PLAAT5: variants seen among roughly 807,000 people sequenced by gnomAD.
The protein encoded by PLAAT5 is phospholipase A and acyltransferase 5, also known as Ca(2+)-independent N-acyltransferase.
In PLAAT5, 27 loss-of-function variants were observed where a neutral mutation model predicts 27.8. That is an observed-to-expected ratio of 0.97 (90% CI 0.72 to 1.34). The LOEUF is 1.34. Ranked by LOEUF, PLAAT5 falls within the 40% of genes most tolerant of loss-of-function variation. PLAAT5 has a pLI of 0.00. For missense variants in PLAAT5, 368 were observed against 343.8 expected, an observed-to-expected ratio of 1.07 and a Z score of -0.56; for synonymous variants, 125 against 136.1, an observed-to-expected ratio of 0.92 and a Z score of 0.57.
At chr11:63,489,447 A>T (rs967110427) in intron 2 of PLAAT5, among the ~76,000 whole-genome samples, 1 of 152,254 alleles carries the variant, frequency 6.6e-6, no homozygotes, top group African/African-American at 2.4e-5. Flanking sequence ...ATATGAATGA[A>T]ATCAGTATAT....
intron 3 of PLAAT5, among the ~76,000 whole-genome samples, chr11:63,488,526 A>G (rs538210562): frequency 1.3e-5 from 2 of 152,298 alleles, no homozygotes; most frequent in East Asian, 3.9e-4. Context: ...AAGCATAACC[A>G]ACATCCCAAA....
chr11:63,467,919 G>A (rs1024151794), intron 4 of PLAAT5, among the ~76,000 whole-genome samples: 1 of 152,252 alleles, frequency 6.6e-6, no homozygotes, highest in Non-Finnish European at 1.5e-5. Context: ...GAGACAAGGT[G>A]AGGACGAAGG....
chr11:63,469,197 T>C (rs149778983), intron 3 of PLAAT5, among the ~76,000 whole-genome samples: 1 of 151,020 alleles, frequency 6.6e-6, no homozygotes, highest in African/African-American at 2.4e-5. Flanking sequence ...CATGAATAGG[T>C]AGGCATAGAG....
Position 63,490,268 on chromosome 11 carries a change from C to G in PLAAT5, c.214G>C (p.Glu72Gln). The G allele has an allele frequency of 6.2e-7, 1 of 1,614,240 alleles. No homozygotes were observed. Among genetic ancestry groups the G allele is most frequent in the East Asian group, 2.2e-5 (1 of 44,890 alleles). ...PAKQPPPGTL[E>Q]QGRSIQQGEK... is the part of the protein sequence containing the mutation. ...CCTTGCTGGATGCTTCTGCCCTGTT[C>G]TAATGTGCCCGGCGGAGGCTGCTTG... The change falls in exon 2 of 6, where the codon GAA (glutamate) becomes CAA (glutamine). Residue 72 changes from glutamate to glutamine, a missense_variant. Glu to Gln is a conservative substitution (Grantham distance 29). Transcript: ENST00000540857.
rs1402287266 is a variant in PLAAT5, at chr11:63,483,801, G to GTGTATATA, written c.345+5069_345+5070insTATATACA. ...AAAAAAAAAATATATATATATATATGTATATATATATATATATATATATAT... is the reference window on the plus strand; with the variant it reads ...AAAAAAAAAATATATATATATATATGTGTATATATATATATATATATATATATATATAT... On this transcript the variant is annotated intron_variant, in intron 3 of 5. Coordinates refer to ENST00000540857, the MANE Select transcript of PLAAT5 (RefSeq NM_001146729.2). Among the ~76,000 whole-genome samples, 78 of 24,154 alleles carry GTGTATATA rather than the reference G, an allele frequency of 3.2e-3. 2 individuals are homozygous for GTGTATATA. Among genetic ancestry groups the GTGTATATA allele is most frequent in the Non-Finnish European group, 5.0e-3 (60 of 12,004 alleles). The allele number at this position is 24,154 out of a possible 152,430, so 15.8% of individuals were successfully genotyped here.
intron 3 of PLAAT5, among the ~76,000 whole-genome samples, chr11:63,477,911 T>C (rs2016191177): frequency 6.6e-6 from 1 of 152,224 alleles, no homozygotes; most frequent in South Asian, 2.1e-4. Flanking sequence ...TTCCAGATTT[T>C]TATGAGTCTC....
chr11:63,466,048 T>C, intron 5 of PLAAT5, 62 bp downstream of exon 5: 1 of 1,536,302 alleles, frequency 6.5e-7, no homozygotes, highest in Non-Finnish European at 8.9e-7. Flanking sequence ...TGATCACTAA[T>C]GAAATGACAA....
chr11:63,483,324 T>G (rs1314511500), intron 3 of PLAAT5, among the ~76,000 whole-genome samples: 1 of 152,074 alleles, frequency 6.6e-6, no homozygotes, highest in East Asian at 1.9e-4. Flanking sequence ...CATCAGCACA[T>G]GGAACATTCG....
At chr11:63,490,767 G>A (rs1472471921) in intron 1 of PLAAT5, 120 bp downstream of exon 1, 3 of 964,058 alleles carry the variant, frequency 3.1e-6, no homozygotes, top group African/African-American at 1.7e-5. Context: ...ACTCGCTCAT[G>A]ATGGCTAACA....
At chr11:63,488,008 G>A (rs1192945365) in intron 3 of PLAAT5, among the ~76,000 whole-genome samples, 1 of 152,230 alleles carries the variant, frequency 6.6e-6, no homozygotes, top group African/African-American at 2.4e-5. Context: ...AGCCGGGCAT[G>A]GTGGCAGGTG....
intron 3 of PLAAT5, among the ~76,000 whole-genome samples, chr11:63,486,463 G>A (rs576909252): frequency 1.6e-4 from 24 of 151,854 alleles, no homozygotes; most frequent in Admixed American, 3.3e-4. Context: ...CACACACCAC[G>A]GAATACTACT....
At chr11:63,465,324 T>A (rs1318135308) in intron 5 of PLAAT5, among the ~76,000 whole-genome samples, 1 of 152,120 alleles carries the variant, frequency 6.6e-6, no homozygotes, top group African/African-American at 2.4e-5. Context: ...CATCTTTTTA[T>A]ATAAAATTTC....
At chr11:63,466,045 T>C in intron 5 of PLAAT5, 65 bp downstream of exon 5, 2 of 1,515,282 alleles carry the variant, frequency 1.3e-6, no homozygotes, top group Non-Finnish European at 1.8e-6. Context: ...TTCTGATCAC[T>C]AATGAAATGA....
chr11:63,466,695 G>T (rs113029008), intron 4 of PLAAT5, among the ~76,000 whole-genome samples: 2 of 152,304 alleles, frequency 1.3e-5, no homozygotes, highest in African/African-American at 4.8e-5. Context: ...TTCCTGAGAA[G>T]ACTTCAGTAA....
rs151260136 is a variant in PLAAT5, at chr11:63,468,434, A to G, written c.377T>C (p.Ile126Thr). ...GKPRPRPGDL[I>T]EIFRIGYEHW... ...CTCATAGCCAATTCGAAAAATCTCAATCAGGTCTCCAGGTCTGGGTCTTGG... is the reference window on the plus strand; with the variant it reads ...CTCATAGCCAATTCGAAAAATCTCAGTCAGGTCTCCAGGTCTGGGTCTTGG... Residue 126 changes from isoleucine to threonine, a missense_variant, in exon 4 of 6, where the codon ATT becomes ACT. Ile to Thr is a moderately conservative substitution (Grantham distance 89). Coordinates refer to ENST00000540857, the MANE Select transcript of PLAAT5 (RefSeq NM_001146729.2). 1.2e-6 allele frequency: 2 copies of G among 1,614,078 alleles called. No homozygotes were observed. The highest frequency in any genetic ancestry group is 1.7e-6 in the Non-Finnish European group (2 of 1,179,936).
At chr11:63,488,424 A>G (rs2016487373) in intron 3 of PLAAT5, among the ~76,000 whole-genome samples, 1 of 152,112 alleles carries the variant, frequency 6.6e-6, no homozygotes, top group African/African-American at 2.4e-5. Context: ...CTTCACTGGC[A>G]TATATATATG....
chr11:63,465,864 T>C (rs1377245056), intron 5 of PLAAT5, among the ~76,000 whole-genome samples: 2 of 152,194 alleles, frequency 1.3e-5, no homozygotes, highest in African/African-American at 4.8e-5. Context: ...GATACCCCTC[T>C]AGTTAATAGT....
At chr11:63,481,442 A>AAAT (rs775334474) in intron 3 of PLAAT5, among the ~76,000 whole-genome samples, 46 of 152,040 alleles carry the variant, frequency 3.0e-4, no homozygotes, top group South Asian at 4.1e-4. Context: ...TCCATCTCAA[A>AAAT]AATAATAATA....
intron 3 of PLAAT5, among the ~76,000 whole-genome samples, chr11:63,484,688 T>C (rs987322795): frequency 2.0e-5 from 3 of 152,170 alleles, no homozygotes; most frequent in African/African-American, 4.8e-5. Context: ...GCCAACATTA[T>C]AGTGATTGGG....
Sources: gnomAD v4.1 joint callset for allele counts (sites outside exome capture counted in the v4.1 genomes callset) on GRCh38, gnomAD v4.1.1 for gene constraint, MANE v1.5 for transcripts, NCBI Gene and HGNC (gene_info 2026-07-23, HGNC 2026-07-21) for gene names.